The following CNTN3 variants were observed in gnomAD, a reference collection of about 807,000 sequenced individuals.
CNTN3 encodes the protein contactin 3, also known as contactin-3.
CNTN3 carries 60 observed loss-of-function variants against 119.1 expected under a neutral mutation model. The observed-to-expected ratio is 0.50, with a 90% CI of 0.41 to 0.62. The LOEUF (loss-of-function observed/expected upper bound fraction) is 0.62. CNTN3 is among the 20% of genes least tolerant of loss of function. The pLI, the probability that CNTN3 is intolerant of heterozygous loss-of-function variation, is 0.00. For synonymous variants in CNTN3, 450 were observed against 438.7 expected, an observed-to-expected ratio of 1.03 and a Z score of -0.32; for missense variants, 1,101 against 1,242.4, an observed-to-expected ratio of 0.89 and a Z score of 1.71.
intron 2 of CNTN3, among the ~76,000 whole-genome samples, chr3:74,505,335 A>T (rs1365740204): frequency 6.6e-6 from 1 of 152,120 alleles, no homozygotes. Flanking sequence ...GTTTTGAAGT[A>T]AATAAAATGC....
At chr3:74,277,826 T>A (rs1363723773) in intron 20 of CNTN3, among the ~76,000 whole-genome samples, 1 of 152,090 alleles carries the variant, frequency 6.6e-6, no homozygotes, top group Admixed American at 6.5e-5. Context: ...GAAGTCAAAC[T>A]GTCACTGTTT....
intron 4 of CNTN3, among the ~76,000 whole-genome samples, chr3:74,472,035 C>T (rs558627279): frequency 1.3e-5 from 2 of 152,286 alleles, no homozygotes; most frequent in South Asian, 4.1e-4. Context: ...TTCATGCTAT[C>T]ATTATAACTC....
intron 4 of CNTN3, among the ~76,000 whole-genome samples, chr3:74,440,105 T>C (rs180770723): frequency 6.0e-4 from 92 of 152,304 alleles, no homozygotes; most frequent in Admixed American, 5.9e-3. Flanking sequence ...CCTATAACCC[T>C]ATGTTCCTGT....
intron 1 of CNTN3, among the ~76,000 whole-genome samples, chr3:74,570,342 G>T (rs1704293165): frequency 6.6e-6 from 1 of 151,966 alleles, no homozygotes; most frequent in South Asian, 2.1e-4. Flanking sequence ...TTTTCTACCA[G>T]GTATGGCAAA....
intron 5 of CNTN3, among the ~76,000 whole-genome samples, 179 bp downstream of exon 5, chr3:74,424,666 A>T (rs1329220704): frequency 6.6e-6 from 1 of 151,998 alleles, no homozygotes; most frequent in African/African-American, 2.4e-5. Context: ...TTGTTTAGAA[A>T]CCTCTCTGGA....
At position 74,486,543 on chromosome 3, in the gene CNTN3, T is replaced by A; in HGVS notation, c.271A>T (p.Arg91Ter). ...TGGTAAGTTCCTGTATCCCAATTTC[T>A]GTTGGGATTAATAACCACAAGATTT... ...GGNLVVINPN[R>*]NWDTGTYQCF... Residue 91 changes from arginine to a stop codon, truncating the protein, a stop_gained, in exon 4 of 23, where the codon AGA becomes TGA. Coordinates refer to ENST00000263665, the MANE Select transcript of CNTN3 (RefSeq NM_020872.3). LOFTEE classifies it high-confidence loss of function. 1.2e-6 allele frequency: 2 copies of A among 1,609,938 alleles called. No individual in the cohort carries two copies. The highest frequency in any genetic ancestry group is 1.7e-6 in the Non-Finnish European group (2 of 1,178,464).
intron 1 of CNTN3, among the ~76,000 whole-genome samples, chr3:74,583,700 G>A (rs561680489): frequency 6.6e-6 from 1 of 152,304 alleles, no homozygotes; most frequent in South Asian, 2.1e-4. Context: ...GTGAAAACAA[G>A]ATTTGTGCAT....
chr3:74,586,002 C>T (rs535970070), intron 1 of CNTN3, among the ~76,000 whole-genome samples: 1 of 152,074 alleles, frequency 6.6e-6, no homozygotes, highest in African/African-American at 2.4e-5. Flanking sequence ...AATACCAACC[C>T]ACTGGGATAA....
rs1239076474 is a variant in CNTN3 at position 74,499,609 on chromosome 3, A to G, written c.182+50T>C. 5 of 1,555,190 alleles carry G rather than the reference A, an allele frequency of 3.2e-6. No individual in the cohort carries two copies. In the South Asian group the frequency reaches 3.7e-5, roughly 12 times the overall value. Reference sequence around the variant, plus strand: ...GCAAAAAAAAATTCACAATCACCACATAAGTGTGTTTAGTTTTTTTTATTT... The same window carrying G: ...GCAAAAAAAAATTCACAATCACCACGTAAGTGTGTTTAGTTTTTTTTATTT... On this transcript the variant is annotated intron_variant, in intron 3 of 22. Transcript: ENST00000263665.
chr3:74,531,635 T>C (rs898679765), intron 1 of CNTN3, among the ~76,000 whole-genome samples: 6 of 151,478 alleles, frequency 4.0e-5, no homozygotes, highest in African/African-American at 1.5e-4. Flanking sequence ...AGGGAGAAGG[T>C]TAGAGAAACC....
intron 4 of CNTN3, among the ~76,000 whole-genome samples, chr3:74,437,163 A>C (rs962868911): frequency 6.6e-6 from 1 of 152,204 alleles, no homozygotes; most frequent in Non-Finnish European, 1.5e-5. Context: ...AATAAAATTA[A>C]AAACCATGTT....
chr3:74,288,284 G>C (rs1194938628), intron 19 of CNTN3, among the ~76,000 whole-genome samples: 1 of 150,162 alleles, frequency 6.7e-6, no homozygotes, highest in South Asian at 2.1e-4. Flanking sequence ...TCAACCTTCT[G>C]AGTAGCAGGG....
intron 4 of CNTN3, among the ~76,000 whole-genome samples, chr3:74,463,944 A>G (rs907124111): frequency 1.6e-4 from 25 of 152,148 alleles, no homozygotes; most frequent in African/African-American, 6.0e-4. Flanking sequence ...TTTCTATTAT[A>G]TTTAATGCAG....
At chr3:74,319,074 T>A (rs866924700) in intron 13 of CNTN3, among the ~76,000 whole-genome samples, 3 of 152,140 alleles carry the variant, frequency 2.0e-5, no homozygotes, top group Non-Finnish European at 4.4e-5. Context: ...CAATATCGTT[T>A]AAATGGCCAT....
intron 5 of CNTN3, among the ~76,000 whole-genome samples, chr3:74,388,859 G>C (rs967600471): frequency 2.0e-5 from 3 of 152,080 alleles, no homozygotes; most frequent in African/African-American, 7.2e-5. Flanking sequence ...TTAAAAAACA[G>C]CTAGTCCACC....
chr3:74,399,697 G>A (rs555617354), intron 5 of CNTN3, among the ~76,000 whole-genome samples: 85 of 152,182 alleles, frequency 5.6e-4, no homozygotes, highest in African/African-American at 2.0e-3. Context: ...CCTGTCTTTA[G>A]GTCTTTGAGG....
chr3:74,549,734 T>C (rs1379403181), intron 1 of CNTN3, among the ~76,000 whole-genome samples: 1 of 152,166 alleles, frequency 6.6e-6, no homozygotes, highest in Non-Finnish European at 1.5e-5. Flanking sequence ...GGAAAAGACC[T>C]TGCAGCAGAT....
chr3:74,521,078 GA>G lies in CNTN3; in HGVS notation c.34del (p.Ser12HisfsTer6). 1 of 1,600,484 alleles carries G rather than the reference GA, an allele frequency of 6.2e-7. No individual in the cohort carries two copies. Among genetic ancestry groups the G allele is most frequent in the Non-Finnish European group, 8.5e-7 (1 of 1,172,424 alleles). On this transcript the variant is annotated frameshift_variant, in exon 2 of 23. Coordinates refer to ENST00000263665, the MANE Select transcript of CNTN3 (RefSeq NM_020872.3). LOFTEE classifies it high-confidence loss of function. The stretch of plus-strand genomic sequence containing the variant: ...TTTACCTCCTAAGCAGCCAATGAAT[GA>G]AAGCAGGATCAACTGTTTCCATGGA... The part of the protein sequence containing the change: ...MFPWKQLILL[S>X]FIGCLGGELL...
At chr3:74,333,494 C>G (rs948875150) in intron 13 of CNTN3, among the ~76,000 whole-genome samples, 2 of 152,172 alleles carry the variant, frequency 1.3e-5, no homozygotes, top group African/African-American at 2.4e-5. Context: ...CCTAATTGGT[C>G]CATCTCTCCT....
Sources: allele counts gnomAD v4.1 joint callset (sites outside exome capture counted in the v4.1 genomes callset), GRCh38; gene constraint gnomAD v4.1.1; transcripts MANE v1.5; gene names NCBI Gene and HGNC (gene_info 2026-07-23, HGNC 2026-07-21).